Variants in ENDOD1 observed in about 807,000 individuals in gnomAD.
ENDOD1 encodes the protein endonuclease domain-containing 1 protein.
A neutral mutation model predicts 6.5 loss-of-function variants in ENDOD1; 9 were observed. The ratio of observed to expected loss-of-function variants is 1.39; its 90% CI spans 0.84 to 2.43. The LOEUF (loss-of-function observed/expected upper bound fraction) is 2.43, where lower values mean the gene tolerates loss of function less well. ENDOD1 is among the 30% of genes most tolerant of loss of function. The pLI is 0.00. For synonymous variants in ENDOD1, 255 were observed against 255.2 expected, an observed-to-expected ratio of 1.00 and a Z score of 0.01; for missense variants, 648 against 635.5, an observed-to-expected ratio of 1.02 and a Z score of -0.21.
rs1859351897 is a variant in ENDOD1 at position 95,129,663 on chromosome 11, A to G, written c.*84A>G. ...TTACAATGGGTTTCTGTTCACTGTC[A>G]GTTATCATTATATTTTGGCCTTTGG... On this transcript the variant is annotated 3_prime_UTR_variant, in exon 2 of 2. Coordinates refer to ENST00000278505, the MANE Select transcript of ENDOD1 (RefSeq NM_015036.3). 6.8e-7 allele frequency: 1 copy of G among 1,460,390 alleles called. No individual in the cohort carries two copies. The highest frequency in any genetic ancestry group is 1.4e-5 in the African/African-American group (1 of 70,678). 90.5% of individuals were successfully genotyped at this position (1,460,390 alleles called of 1,614,324 possible).
rs10660230 is a variant in ENDOD1 at position 95,096,227 on chromosome 11, C to CTTTTTTTTTTTTTTTTTTTT, written c.300+6006_300+6025dup. Among the ~76,000 whole-genome samples, 13 of 49,966 alleles carry CTTTTTTTTTTTTTTTTTTTT rather than the reference C, an allele frequency of 2.6e-4. 5 individuals are homozygous for CTTTTTTTTTTTTTTTTTTTT. Among genetic ancestry groups the CTTTTTTTTTTTTTTTTTTTT allele is most frequent in the Non-Finnish European group, 3.3e-4 (10 of 30,062 alleles). 32.8% of individuals were successfully genotyped at this position (49,966 alleles called of 152,430 possible). On this transcript the variant is annotated intron_variant, in intron 1 of 1. Coordinates refer to ENST00000278505, the MANE Select transcript of ENDOD1 (RefSeq NM_015036.3). ...CTAGAATTACTGTTAGTCAAGAAAG[C>CTTTTTTTTTTTTTTTTTTTT]TTTTTTTTTTTTTTTTTTTTTTTTT...
Position 95,123,804 on chromosome 11 carries a change from G to A in ENDOD1, c.301-4573G>A, listed in dbSNP as rs558281470. 1.5e-4 allele frequency among the ~76,000 whole-genome samples: 23 copies of A among 152,216 alleles called. No individual in the cohort carries two copies. The South Asian group carries it at 1.9e-3, about 12-fold the overall frequency. ...AAATGTAGCATTTTTCCGGCTGGGC[G>A]TGGTGGTTCCATATTTGCTCTTCTT... is the stretch of plus-strand genomic sequence containing the variant. On this transcript the variant is annotated intron_variant, in intron 1 of 1. Transcript: ENST00000278505.
At chr11:95,121,651 T>C (rs1859262996) in intron 1 of ENDOD1, among the ~76,000 whole-genome samples, 1 of 152,214 alleles carries the variant, frequency 6.6e-6, no homozygotes, top group Non-Finnish European at 1.5e-5. Context: ...AAAAACTACC[T>C]ATGGATTTAA....
chr11:95,109,136 C>T (rs550416264), intron 1 of ENDOD1, among the ~76,000 whole-genome samples: 20 of 152,326 alleles, frequency 1.3e-4, no homozygotes, highest in African/African-American at 3.8e-4. Flanking sequence ...AAGGAAATAG[C>T]GTCTTTGTCC....
In ENDOD1 at chr11:95,130,160, C is replaced by T. The variant is rs1289354900; in HGVS notation, c.*581C>T. The stretch of plus-strand genomic sequence containing the variant: ...ATATCTCTTAGCTTTCCGTGGTTCT[C>T]AAGGATATGTACAGTTTTCATTTTC... On this transcript the variant is annotated 3_prime_UTR_variant, in exon 2 of 2. Transcript: ENST00000278505. 1.3e-5 allele frequency: 2 copies of T among 152,206 alleles called. No homozygotes were observed. The highest frequency in any genetic ancestry group is 2.4e-5 in the African/African-American group (1 of 41,410). The allele number at this position is 152,206 out of a possible 1,614,324, so 9.4% of individuals were successfully genotyped here.
intron 1 of ENDOD1, among the ~76,000 whole-genome samples, chr11:95,094,358 T>C (rs192340717): frequency 6.6e-6 from 1 of 152,250 alleles, no homozygotes; most frequent in East Asian, 1.9e-4. Context: ...TTCTTTGATC[T>C]CACAATGGAT....
chr11:95,103,704 G>A (rs1284917375), intron 1 of ENDOD1, among the ~76,000 whole-genome samples: 1 of 152,186 alleles, frequency 6.6e-6, no homozygotes, highest in Non-Finnish European at 1.5e-5. Context: ...GTGTGACCTT[G>A]GAAATGCTAC....
At chr11:95,096,227 C>CTTTTTGTTTTTT (rs1858982426) in intron 1 of ENDOD1, among the ~76,000 whole-genome samples, 1 of 49,964 alleles carries the variant, frequency 2.0e-5, no homozygotes, top group Non-Finnish European at 3.3e-5. Flanking sequence ...GTCAAGAAAG[C>CTTTTTGTTTTTT]TTTTTTTTTT....
chr11:95,108,526 C>G (rs1043418177), intron 1 of ENDOD1, among the ~76,000 whole-genome samples: 7 of 141,124 alleles, frequency 5.0e-5, no homozygotes, highest in African/African-American at 7.6e-5. Context: ...CACACACACA[C>G]AGACACCCAA....
At chr11:95,099,149 A>G (rs1415014386) in intron 1 of ENDOD1, among the ~76,000 whole-genome samples, 1 of 152,120 alleles carries the variant, frequency 6.6e-6, no homozygotes, top group South Asian at 2.1e-4. Context: ...ATACTGATCC[A>G]TCTTGAGCTC....
chr11:95,129,012 G>C lies in ENDOD1; in HGVS notation c.936G>C (p.Arg312Ser). The C allele has an allele frequency of 6.2e-7, 1 of 1,613,946 alleles. No individual in the cohort carries two copies. ...CCCTTTCTAGCACCAGGAGCAAGAGGTCTACTCTGTTGCCTCCAGAGGCAT... is the reference window on the plus strand; with the variant it reads ...CCCTTTCTAGCACCAGGAGCAAGAGCTCTACTCTGTTGCCTCCAGAGGCAT... ...SSPLSSTRSK[R>S]STLLPPEASE... Residue 312 changes from arginine to serine, a missense_variant, in exon 2 of 2, where the codon AGG (arginine) becomes AGC (serine). Arg to Ser is a moderately radical substitution (Grantham distance 110, BLOSUM62 -1). Transcript: ENST00000278505.
intron 1 of ENDOD1, among the ~76,000 whole-genome samples, chr11:95,117,534 A>G (rs1373224551): frequency 6.6e-6 from 1 of 152,156 alleles, no homozygotes; most frequent in South Asian, 2.1e-4. Flanking sequence ...TTTGTCTCTT[A>G]TAGTATTTGT....
At chr11:95,127,256 ACTTTCCTTTTGTC>A (rs570311874) in intron 1 of ENDOD1, among the ~76,000 whole-genome samples, 52 of 152,316 alleles carry the variant, frequency 3.4e-4, no homozygotes, top group South Asian at 2.1e-3. Flanking sequence ...AATCCTAAGC[ACTTTCCTTTTGTC>A]CTTTCAGATA....
intron 1 of ENDOD1, among the ~76,000 whole-genome samples, chr11:95,102,368 T>TAAAA (rs34465864): frequency 2.0e-4 from 26 of 129,000 alleles, no homozygotes; most frequent in African/African-American, 4.8e-4. Flanking sequence ...CTTTCCTGCT[T>TAAAA]AAAAAAAAAA....
In ENDOD1 at chr11:95,090,022, G is replaced by T; in HGVS notation, c.95G>T (p.Gly32Val). 6.3e-7 allele frequency: 1 copy of T among 1,590,404 alleles called. No individual in the cohort carries two copies. Among genetic ancestry groups the T allele is most frequent in the South Asian group, 1.1e-5 (1 of 86,970 alleles). The change falls in exon 1 of 2, where the codon GGC (glycine) becomes GTC (valine). Residue 32 changes from glycine (G) to valine (V), a missense_variant. Gly to Val is a moderately radical substitution (Grantham distance 109). Coordinates refer to ENST00000278505, the MANE Select transcript of ENDOD1 (RefSeq NM_015036.3). ...RLVGEEEAGF[G>V]ECDKFFYAGT... ...GTGGGCGAGGAGGAAGCCGGCTTTG[G>T]CGAATGTGACAAGTTCTTCTACGCC... is the stretch of plus-strand genomic sequence containing the variant.
chr11:95,124,267 T>G (rs1285479025), intron 1 of ENDOD1, among the ~76,000 whole-genome samples: 2 of 152,194 alleles, frequency 1.3e-5, no homozygotes, highest in Non-Finnish European at 2.9e-5. Flanking sequence ...TTCTTCATCA[T>G]TCTGTGTCTT....
chr11:95,124,926 C>T (rs1212829728), intron 1 of ENDOD1, among the ~76,000 whole-genome samples: 2 of 152,168 alleles, frequency 1.3e-5, no homozygotes, highest in African/African-American at 4.8e-5. Context: ...TTCTGCTTAA[C>T]AACAGGACAC....
At chr11:95,105,405 G>A (rs1174834004) in intron 1 of ENDOD1, among the ~76,000 whole-genome samples, 3 of 152,170 alleles carry the variant, frequency 2.0e-5, no homozygotes, top group Non-Finnish European at 2.9e-5. Context: ...TTGTAATACT[G>A]TCTTGTTTTA....
intron 1 of ENDOD1, among the ~76,000 whole-genome samples, chr11:95,101,719 G>T (rs1325441844): frequency 1.7e-4 from 26 of 152,040 alleles, no homozygotes; most frequent in Admixed American, 1.4e-3. Context: ...AGTTCCCAAG[G>T]TTCAGCATTT....
Sources: gnomAD v4.1 joint callset for allele counts (sites outside exome capture counted in the v4.1 genomes callset) on GRCh38, gnomAD v4.1.1 for gene constraint, MANE v1.5 for transcripts, NCBI Gene and HGNC (gene_info 2026-07-23, HGNC 2026-07-21) for gene names.